UBAP2: variants seen among roughly 807,000 people sequenced by gnomAD.
UBAP2 encodes the protein ubiquitin associated protein 2, also known as ubiquitin-associated protein 2.
UBAP2 carries 75 observed loss-of-function variants against 139.6 expected under a neutral mutation model. The ratio of observed to expected loss-of-function variants is 0.54; its 90% CI spans 0.45 to 0.65. The LOEUF (loss-of-function observed/expected upper bound fraction) is 0.65, where lower values mean the gene tolerates loss of function less well. Ranked by LOEUF, UBAP2 falls within the 30% of genes least tolerant of loss-of-function variation. The pLI, the probability that UBAP2 is intolerant of heterozygous loss-of-function variation, is 0.00. For missense variants in UBAP2, 1,368 were observed against 1,369.6 expected (o/e 1.00, Z 0.02); for synonymous variants, 526 against 526.2 (o/e 1.00, Z 0.01).
At chr9:33,987,680 A>G (rs1417136434) in intron 5 of UBAP2, among the ~76,000 whole-genome samples, 1 of 152,226 alleles carries the variant, frequency 6.6e-6, no homozygotes, top group Non-Finnish European at 1.5e-5. Context: ...CTGAAAATAA[A>G]TTAACATACT....
intron 2 of UBAP2, chr9:34,011,531 C>A (rs1823751152): frequency 3.0e-6 from 2 of 671,774 alleles, no homozygotes; most frequent in Non-Finnish European, 1.8e-6. Flanking sequence ...TTATAAAATA[C>A]CCTGAGTCAA....
chr9:33,932,525 G>GT, intron 19 of UBAP2, 37 bp downstream of exon 19: 2 of 1,611,228 alleles, frequency 1.2e-6, no homozygotes, highest in Non-Finnish European at 1.7e-6. Flanking sequence ...GGCTCCCCAA[G>GT]CATGGCGGAG....
In UBAP2 at chr9:33,922,180, G is replaced by T; in HGVS notation, c.*324C>A. 2.9e-6 allele frequency: 1 copy of T among 348,242 alleles called. No individual in the cohort carries two copies. Among genetic ancestry groups the T allele is most frequent in the Non-Finnish European group, 5.4e-6 (1 of 184,774 alleles). 21.6% of individuals were successfully genotyped at this position (348,242 alleles called of 1,614,324 possible). ...ACTGCCCCTAGTGGCCCACTGGGCA[G>T]TGCAGGCTGTGAAGAAGACCTGAAG... On this transcript the variant is annotated 3_prime_UTR_variant, in exon 29 of 29. Transcript: ENST00000379238.
At chr9:33,927,420 G>C (rs182392157) in intron 20 of UBAP2, among the ~76,000 whole-genome samples, 1 of 152,154 alleles carries the variant, frequency 6.6e-6, no homozygotes, top group South Asian at 2.1e-4. Context: ...GCCAGGAGAG[G>C]GACAGGCTGA....
intron 2 of UBAP2, among the ~76,000 whole-genome samples, chr9:34,002,282 C>T (rs1822774422): frequency 6.6e-6 from 1 of 151,844 alleles, no homozygotes; most frequent in Non-Finnish European, 1.5e-5. Flanking sequence ...AAACAGAATA[C>T]TTAACATACT....
Position 33,924,215 on chromosome 9 carries a change from GATT to G in UBAP2, c.2578_2580del (p.Asn860del). On this transcript the variant is annotated inframe_deletion, in exon 23 of 29. Transcript: ENST00000379238. The stretch of plus-strand genomic sequence containing the variant: ...CATTGAGCAAACTCACCTGGATATG[GATT>G]ATTAGCTAGGCTCCCATCTCGGCTG... 1 of 1,614,196 alleles carries G rather than the reference GATT, an allele frequency of 6.2e-7. No individual in the cohort carries two copies. The highest frequency in any genetic ancestry group is 1.1e-5 in the South Asian group (1 of 91,076).
At chr9:33,995,434 C>A (rs1822085445) in intron 4 of UBAP2, 5 of 129,152 alleles carry the variant, frequency 3.9e-5, no homozygotes, top group African/African-American at 9.4e-5. Flanking sequence ...TATTATTAAA[C>A]AAATATTATA....
At chr9:34,021,130 TTCA>T (rs1165674859) in intron 1 of UBAP2, among the ~76,000 whole-genome samples, 1 of 152,186 alleles carries the variant, frequency 6.6e-6, no homozygotes, top group African/African-American at 2.4e-5. Flanking sequence ...CTAACCATAA[TTCA>T]TCATACTAAT....
chr9:34,032,000 C>T (rs1379953649), intron 1 of UBAP2, among the ~76,000 whole-genome samples: 1 of 151,912 alleles, frequency 6.6e-6, no homozygotes, highest in Non-Finnish European at 1.5e-5. Flanking sequence ...TAAAAATTAG[C>T]CAGGTATGGT....
chr9:34,013,807 GC>G (rs1346675692), intron 2 of UBAP2, among the ~76,000 whole-genome samples: 1 of 151,786 alleles, frequency 6.6e-6, no homozygotes, highest in Non-Finnish European at 1.5e-5. Flanking sequence ...GACCCAGGAG[GC>G]AGAGGTTGCA....
intron 1 of UBAP2, among the ~76,000 whole-genome samples, chr9:34,040,423 T>TA (rs1826969574): frequency 6.6e-6 from 1 of 151,644 alleles, no homozygotes; most frequent in South Asian, 2.1e-4. Flanking sequence ...AAAATATCTG[T>TA]AATTACAACA....
Position 33,944,502 on chromosome 9 carries a change from G to A in UBAP2, c.1408C>T (p.Pro470Ser). ...PSQAKLREST[P>S]GDSPSTVNKL... Reference sequence around the variant, plus strand: ...TTCACAGTGGAGGGACTGTCTCCAGGTGTTGATTCTCGAAGTTTTGCCTGG... The same window carrying A: ...TTCACAGTGGAGGGACTGTCTCCAGATGTTGATTCTCGAAGTTTTGCCTGG... The change falls in exon 14 of 29, where the codon CCT (proline) becomes TCT (serine). Residue 470 changes from proline to serine, a missense_variant. By Grantham distance (74) the Pro-to-Ser change is moderately conservative. Coordinates refer to ENST00000379238, the MANE Select transcript of UBAP2 (RefSeq NM_001370062.2). 6.2e-7 allele frequency: 1 copy of A among 1,614,124 alleles called. No homozygotes were observed. Among genetic ancestry groups the A allele is most frequent in the South Asian group, 1.1e-5 (1 of 91,078 alleles).
At chr9:33,965,062 A>T (rs1351716573) in intron 8 of UBAP2, among the ~76,000 whole-genome samples, 2 of 152,182 alleles carry the variant, frequency 1.3e-5, no homozygotes, top group South Asian at 4.1e-4. Context: ...TTCCCTTATA[A>T]ATGCAAATAT....
chr9:33,999,753 C>A (rs1182587858), intron 2 of UBAP2, among the ~76,000 whole-genome samples: 6 of 151,956 alleles, frequency 3.9e-5, no homozygotes, highest in African/African-American at 1.5e-4. Flanking sequence ...ATGCTGTTAC[C>A]CTAGCTGGAG....
At chr9:33,975,041 G>C (rs1474836063) in intron 6 of UBAP2, among the ~76,000 whole-genome samples, 1 of 152,100 alleles carries the variant, frequency 6.6e-6, no homozygotes, top group African/African-American at 2.4e-5. Context: ...CAGTATTGCT[G>C]ATCATTAGGG....
At chr9:33,965,906 A>G (rs2131029480) in intron 8 of UBAP2, among the ~76,000 whole-genome samples, 1 of 152,082 alleles carries the variant, frequency 6.6e-6, no homozygotes, top group East Asian at 1.9e-4. Flanking sequence ...AAAATTAGCC[A>G]GGTGTGGTGG....
intron 1 of UBAP2, among the ~76,000 whole-genome samples, chr9:34,044,669 C>G (rs1351304046): frequency 6.6e-6 from 1 of 151,832 alleles, no homozygotes; most frequent in Non-Finnish European, 1.5e-5. Context: ...GTTCCAAGAC[C>G]AATATGGCCA....
chr9:33,965,570 T>C (rs1402452030), intron 8 of UBAP2, among the ~76,000 whole-genome samples: 1 of 152,238 alleles, frequency 6.6e-6, no homozygotes, highest in Non-Finnish European at 1.5e-5. Context: ...AGTTGTACTT[T>C]CAGGTTTCAT....
At chr9:33,943,387 T>C (rs1204737846) in intron 15 of UBAP2, 33 bp downstream of exon 15, 12 of 1,608,826 alleles carry the variant, frequency 7.5e-6, no homozygotes, top group Admixed American at 1.7e-5. Flanking sequence ...TTAGGGTCTA[T>C]TTTGCTTCAT....
Sources: gnomAD v4.1 joint callset for allele counts (sites outside exome capture counted in the v4.1 genomes callset) on GRCh38, gnomAD v4.1.1 for gene constraint, MANE v1.5 for transcripts, NCBI Gene and HGNC (gene_info 2026-07-23, HGNC 2026-07-21) for gene names.